The following NET1 variants were observed in gnomAD, a reference collection of about 807,000 sequenced individuals.
NET1 encodes the protein neuroepithelial cell transforming 1.
Under a neutral mutation model 61.1 loss-of-function variants are expected in NET1, and 42 were observed. That is an observed-to-expected ratio of 0.69 (90% CI 0.54 to 0.89). NET1 has a LOEUF of 0.89. Ranked by LOEUF, NET1 falls within the 40% of genes least tolerant of loss-of-function variation. NET1 has a pLI of 0.00. For synonymous variants in NET1, 254 were observed against 281.8 expected (o/e 0.90, Z 0.99); for missense variants, 654 against 747.3 (o/e 0.88, Z 1.46).
Position 5,452,675 on chromosome 10 carries a change from C to A in NET1, c.531+150C>A. ...TGGATGGTGGTCAAATTAAACAACT[C>A]TAATAGGGTAAACTTACCAAACATA... is the stretch of plus-strand genomic sequence containing the variant. On this transcript the variant is annotated intron_variant, in intron 5 of 11. Coordinates refer to ENST00000355029, the MANE Select transcript of NET1 (RefSeq NM_001047160.3). This position sits in a 1 kb window ranked among gnomAD's most constrained non-coding sequence, Gnocchi z 4.0. 2 of 939,898 alleles carry A rather than the reference C, an allele frequency of 2.1e-6. No homozygotes were observed. Among genetic ancestry groups the A allele is most frequent in the Non-Finnish European group, 3.2e-6 (2 of 629,852 alleles). 58.2% of individuals were successfully genotyped at this position (939,898 alleles called of 1,614,324 possible).
rs187308033 is a variant in NET1 at position 5,422,773 on chromosome 10, C to G, written c.129-3882C>G. On this transcript the variant is annotated intron_variant, in intron 1 of 11. Transcript: ENST00000355029. The surrounding 1 kb of genome is among the most constrained non-coding windows in gnomAD (Gnocchi z 4.1). ...TGATTGTCAGAAGTGGAAGAAGAGA[C>G]AACTCCTTAATAGCAAAGATGCTGA... is the stretch of plus-strand genomic sequence containing the variant. Among the ~76,000 whole-genome samples, 18 of 152,292 alleles carry G rather than the reference C, an allele frequency of 1.2e-4. No homozygotes were observed. The East Asian group carries it at 3.5e-3, about 29-fold the overall frequency.
chr10:5,412,745 G>T lies in NET1; in HGVS notation c.53G>T (p.Arg18Leu), dbSNP rs1258973960. 3 of 1,482,272 alleles carry T rather than the reference G, an allele frequency of 2.0e-6. No homozygotes were observed. Among genetic ancestry groups the T allele is most frequent in the Non-Finnish European group, 2.7e-6 (3 of 1,123,642 alleles). 91.8% of individuals were successfully genotyped at this position (1,482,272 alleles called of 1,614,324 possible). A position where few individuals can be genotyped will look rare whatever the true frequency, so the allele number is the denominator to read the frequency against. The change falls in exon 1 of 12, where the codon CGC (arginine) becomes CTC (leucine). Residue 18 changes from arginine (R) to leucine (L), a missense_variant. Coordinates refer to ENST00000355029, the MANE Select transcript of NET1 (RefSeq NM_001047160.3). The surrounding 1 kb of genome is among the most constrained non-coding windows in gnomAD (Gnocchi z 6.5). Reference sequence around the variant, plus strand: ...CAGCCTCGACCGCGGAGGCGAAGCCGCCGGGCCTCTGGGCTCAGCACGGAG... The same window carrying T: ...CAGCCTCGACCGCGGAGGCGAAGCCTCCGGGCCTCTGGGCTCAGCACGGAG... ...QKQPRPRRRS[R>L]RASGLSTEGA...
intron 3 of NET1, among the ~76,000 whole-genome samples, chr10:5,432,971 G>C (rs1271257482): frequency 6.6e-6 from 1 of 151,998 alleles, no homozygotes; most frequent in Non-Finnish European, 1.5e-5. Context: ...ATTCCTATGA[G>C]CATTTAGTTA....
At position 5,437,496 on chromosome 10, in the gene NET1, G is replaced by T. The variant is rs1418951805; in HGVS notation, c.255+8267G>T. Among the ~76,000 whole-genome samples the T allele has an allele frequency of 6.6e-6, 1 of 152,102 alleles. No homozygotes were observed. Among genetic ancestry groups the T allele is most frequent in the Non-Finnish European group, 1.5e-5 (1 of 68,014 alleles). On this transcript the variant is annotated intron_variant, in intron 3 of 11. Coordinates refer to ENST00000355029, the MANE Select transcript of NET1 (RefSeq NM_001047160.3). The surrounding 1 kb of genome is among the most constrained non-coding windows in gnomAD (Gnocchi z 4.3). ...TGTACTTTACCTTCTGGTGCACAAG[G>T]AGGGACCATGTTTGTGTCTCTATTA...
At chr10:5,433,220 C>T (rs549352257) in intron 3 of NET1, among the ~76,000 whole-genome samples, 2 of 152,320 alleles carry the variant, frequency 1.3e-5, no homozygotes, top group East Asian at 3.9e-4. Flanking sequence ...ATTCTCAGCA[C>T]CAGTCCTCAT....
chr10:5,450,852 C>T (rs1001936565), intron 3 of NET1, among the ~76,000 whole-genome samples: 10 of 152,096 alleles, frequency 6.6e-5, no homozygotes, highest in African/African-American at 2.4e-4. Flanking sequence ...TGTAAAGTTT[C>T]AAAATCCTTG....
At chr10:5,419,420 T>C (rs1225691270) in intron 1 of NET1, among the ~76,000 whole-genome samples, 2 of 152,338 alleles carry the variant, frequency 1.3e-5, no homozygotes, top group African/African-American at 2.4e-5. Context: ...TTTATTGATA[T>C]AGTTGGATTT....
chr10:5,429,757 C>G (rs1486698158), intron 3 of NET1, among the ~76,000 whole-genome samples: 1 of 152,148 alleles, frequency 6.6e-6, no homozygotes, highest in African/African-American at 2.4e-5. Context: ...CTTTAAAATA[C>G]TTGAAGTTTT....
chr10:5,420,836 C>T lies in NET1; in HGVS notation c.129-5819C>T, dbSNP rs952606512. On this transcript the variant is annotated intron_variant, in intron 1 of 11. Transcript: ENST00000355029. This position sits in a 1 kb window ranked among gnomAD's most constrained non-coding sequence, Gnocchi z 5.3. The stretch of plus-strand genomic sequence containing the variant: ...GTTTTGATCTCCTGACCTCGTGAAC[C>T]GCCCACCTTGACCTCCCAAAGTGCT... Among the ~76,000 whole-genome samples the T allele has an allele frequency of 3.9e-5, 6 of 151,996 alleles. No homozygotes were observed. The highest frequency in any genetic ancestry group is 1.9e-4 in the East Asian group (1 of 5,176).
rs554559613 is a variant in NET1, at chr10:5,458,653, A to C, written c.*1659A>C. ...GGAAATCTTTTAAGAACATGGTGTA[A>C]TCAGACACAGCAATTGTATTGAAAA... On this transcript the variant is annotated 3_prime_UTR_variant, in exon 12 of 12. Transcript: ENST00000355029. The surrounding 1 kb of genome is among the most constrained non-coding windows in gnomAD (Gnocchi z 4.5). 1.3e-5 allele frequency among the ~76,000 whole-genome samples: 2 copies of C among 152,322 alleles called. No homozygotes were observed. The highest frequency in any genetic ancestry group is 4.8e-5 in the African/African-American group (2 of 41,572).
At position 5,443,486 on chromosome 10, in the gene NET1, G is replaced by A. The variant is rs1461908343; in HGVS notation, c.256-8344G>A. On this transcript the variant is annotated intron_variant, in intron 3 of 11. Coordinates refer to ENST00000355029, the MANE Select transcript of NET1 (RefSeq NM_001047160.3). This position sits in a 1 kb window ranked among gnomAD's most constrained non-coding sequence, Gnocchi z 4.8. ...CACCACCCATTAAGTTTCCTTATGA[G>A]AAAACTGAAGAGGATGGGTGAATGA... Among the ~76,000 whole-genome samples, 2 of 152,156 alleles carry A rather than the reference G, an allele frequency of 1.3e-5. No homozygotes were observed. Among genetic ancestry groups the A allele is most frequent in the Non-Finnish European group, 2.9e-5 (2 of 68,024 alleles).
At position 5,441,256 on chromosome 10, in the gene NET1, G is replaced by T. The variant is rs1475653763; in HGVS notation, c.256-10574G>T. 6.6e-6 allele frequency among the ~76,000 whole-genome samples: 1 copy of T among 152,258 alleles called. No homozygotes were observed. The highest frequency in any genetic ancestry group is 1.5e-5 in the Non-Finnish European group (1 of 68,044). Reference sequence around the variant, plus strand: ...ATCCCACACACCCGTGGCTACACATGTGCATGTGCCACACAGCAGCATCCA... The same window carrying T: ...ATCCCACACACCCGTGGCTACACATTTGCATGTGCCACACAGCAGCATCCA... On this transcript the variant is annotated intron_variant, in intron 3 of 11. Coordinates refer to ENST00000355029, the MANE Select transcript of NET1 (RefSeq NM_001047160.3). This position sits in a 1 kb window ranked among gnomAD's most constrained non-coding sequence, Gnocchi z 4.6.
At chr10:5,425,161 G>T (rs1485407224) in intron 1 of NET1, among the ~76,000 whole-genome samples, 2 of 152,076 alleles carry the variant, frequency 1.3e-5, no homozygotes, top group African/African-American at 4.8e-5. Context: ...TTCAGATTCA[G>T]TAATACTTTG....
chr10:5,445,519 C>T (rs1250046029), intron 3 of NET1, among the ~76,000 whole-genome samples: 1 of 152,138 alleles, frequency 6.6e-6, no homozygotes, highest in African/African-American at 2.4e-5. Flanking sequence ...ATAGATTTAT[C>T]TGATTCTATA....
rs937772173 is a variant in NET1, at chr10:5,443,343, A to G, written c.256-8487A>G. On this transcript the variant is annotated intron_variant, in intron 3 of 11. Transcript: ENST00000355029. The surrounding 1 kb of genome is among the most constrained non-coding windows in gnomAD (Gnocchi z 4.8). ...GTACTTCATAGAGTTGATTAAGATAACATGTATAAAGCTCTAGCACAAAGT... is the reference window on the plus strand; with the variant it reads ...GTACTTCATAGAGTTGATTAAGATAGCATGTATAAAGCTCTAGCACAAAGT... 6.6e-6 allele frequency among the ~76,000 whole-genome samples: 1 copy of G among 152,234 alleles called. No individual in the cohort carries two copies. The highest frequency in any genetic ancestry group is 1.5e-5 in the Non-Finnish European group (1 of 68,050).
In NET1 at chr10:5,431,107, G is replaced by A. The variant is rs10736999; in HGVS notation, c.255+1878G>A. 0.66 allele frequency among the ~76,000 whole-genome samples: 99,296 copies of A among 151,496 alleles called. 32,694 individuals are homozygous for A. Among genetic ancestry groups the A allele is most frequent in the Admixed American group, 0.72 (10,997 of 15,246 alleles). On this transcript the variant is annotated intron_variant, in intron 3 of 11. Coordinates refer to ENST00000355029, the MANE Select transcript of NET1 (RefSeq NM_001047160.3). This position sits in a 1 kb window ranked among gnomAD's most constrained non-coding sequence, Gnocchi z 4.9. ...AGGATGGTCTCGATCTCCTGACCTC[G>A]TGATCCGCCTGCCTCGGCCTCCCAA...
In NET1 at chr10:5,439,475, TC is replaced by T. The variant is rs921104200; in HGVS notation, c.255+10248del. 1.2e-4 allele frequency among the ~76,000 whole-genome samples: 19 copies of T among 152,204 alleles called. No homozygotes were observed. The highest frequency in any genetic ancestry group is 4.6e-4 in the African/African-American group (19 of 41,452). ...GTTATATACTGATGCCCTTTGGTCT[TC>T]CTTAAGCCAATCACAAATGGACCAT... On this transcript the variant is annotated intron_variant, in intron 3 of 11. Transcript: ENST00000355029. The surrounding 1 kb of genome is among the most constrained non-coding windows in gnomAD (Gnocchi z 4.8).
At position 5,453,258 on chromosome 10, in the gene NET1, T is replaced by C. The variant is rs1832737978; in HGVS notation, c.603T>C (p.His201=). The C allele has an allele frequency of 6.3e-7, 1 of 1,599,400 alleles. No individual in the cohort carries two copies. The highest frequency in any genetic ancestry group is 1.3e-5 in the African/African-American group (1 of 74,628). The stretch of plus-strand genomic sequence containing the variant: ...TTTCTCCCCTCTGACAGGCCTATCA[T>C]GACCCCATGTTAAAGTTGTCCATCA... The part of the protein sequence containing the change: ...EDLKLARKAY[H]DPMLKLSIMS... Residue 201 remains histidine, a synonymous_variant, in exon 7 of 12, where the codon CAT becomes CAC. Transcript: ENST00000355029. This position sits in a 1 kb window ranked among gnomAD's most constrained non-coding sequence, Gnocchi z 4.9.
Position 5,449,767 on chromosome 10 carries a change from C to T in NET1, c.256-2063C>T, listed in dbSNP as rs1463554179. 6.6e-6 allele frequency among the ~76,000 whole-genome samples: 1 copy of T among 152,122 alleles called. No homozygotes were observed. The highest frequency in any genetic ancestry group is 1.9e-4 in the East Asian group (1 of 5,204). ...ATAGATATCAAAAATTTATTTCCTG[C>T]TAACAAAATTTTCCTTTCATATTCA... On this transcript the variant is annotated intron_variant, in intron 3 of 11. Coordinates refer to ENST00000355029, the MANE Select transcript of NET1 (RefSeq NM_001047160.3). This position sits in a 1 kb window ranked among gnomAD's most constrained non-coding sequence, Gnocchi z 4.4.
Sources: allele counts gnomAD v4.1 joint callset (sites outside exome capture counted in the v4.1 genomes callset), GRCh38; gene constraint gnomAD v4.1.1; non-coding constraint Gnocchi (gnomAD v3.1); transcripts MANE v1.5; gene names NCBI Gene and HGNC (gene_info 2026-07-23, HGNC 2026-07-21).